Variants in ENTREP1 observed in about 807,000 individuals in gnomAD.
The protein encoded by ENTREP1 is Friedreich ataxia region gene X123.
chr9:69,328,958 G>C, the ENTREP1 span, among the ~76,000 whole-genome samples: 1 of 151,046 alleles, frequency 6.6e-6, no homozygotes, highest in Non-Finnish European at 1.5e-5. Context: ...TCATATACAA[G>C]GGATCATATA....
the ENTREP1 span, among the ~76,000 whole-genome samples, chr9:69,326,948 A>G: frequency 6.7e-6 from 1 of 149,574 alleles, no homozygotes; most frequent in Non-Finnish European, 1.5e-5. Flanking sequence ...TAATCAGTGT[A>G]TGTCCTGAAT....
chr9:69,333,580 C>T, the ENTREP1 span, among the ~76,000 whole-genome samples: 1 of 152,180 alleles, frequency 6.6e-6, no homozygotes, highest in East Asian at 1.9e-4. Context: ...GCTGGGATTA[C>T]AGGTGTGAGC....
chr9:69,344,459 T>C, the ENTREP1 span, among the ~76,000 whole-genome samples: 2 of 152,204 alleles, frequency 1.3e-5, no homozygotes. Context: ...TGCTGTATTG[T>C]GTGAAGAGGA....
the ENTREP1 span, chr9:69,383,658 C>A: frequency 6.2e-7 from 1 of 1,614,088 alleles, no homozygotes; most frequent in Admixed American, 1.7e-5. Flanking sequence ...TATTCCCCTG[C>A]CACACATCTA....
the ENTREP1 span, among the ~76,000 whole-genome samples, chr9:69,389,142 T>A: frequency 6.6e-6 from 1 of 152,168 alleles, no homozygotes; most frequent in African/African-American, 2.4e-5. Context: ...CCACCTCTTT[T>A]AAGAGCCATT....
chr9:69,371,836 A>G, the ENTREP1 span, among the ~76,000 whole-genome samples: 1 of 152,230 alleles, frequency 6.6e-6, no homozygotes, highest in African/African-American at 2.4e-5. Context: ...CTGGAACCAT[A>G]GTGATATAAT....
the ENTREP1 span, among the ~76,000 whole-genome samples, chr9:69,350,244 A>G: frequency 6.6e-6 from 1 of 151,844 alleles, no homozygotes; most frequent in Admixed American, 6.6e-5. Flanking sequence ...TTTTGAGTTA[A>G]TTTTTGCATA....
the ENTREP1 span, chr9:69,371,341 A>G: frequency 1.4e-6 from 1 of 723,410 alleles, no homozygotes; most frequent in Admixed American, 2.0e-5. Context: ...TAAGAAGTCT[A>G]AAATGTGAAA....
chr9:69,388,061 C>A, the ENTREP1 span: 1 of 1,605,868 alleles, frequency 6.2e-7, no homozygotes, highest in Non-Finnish European at 8.5e-7. Flanking sequence ...TTGTCAGATG[C>A]TTTCCATGTT....
chr9:69,342,354 C>T, the ENTREP1 span, among the ~76,000 whole-genome samples: 7 of 152,206 alleles, frequency 4.6e-5, no homozygotes, highest in Non-Finnish European at 8.8e-5. Context: ...TAGTTCATTG[C>T]TTCTTCCATT....
the ENTREP1 span, among the ~76,000 whole-genome samples, chr9:69,327,673 C>A: frequency 1.3e-5 from 2 of 151,698 alleles, no homozygotes; most frequent in African/African-American, 2.4e-5. Flanking sequence ...AAGGTTAATA[C>A]TCCTGGTCTG....
At chr9:69,385,606 C>A in the ENTREP1 span, among the ~76,000 whole-genome samples, 1 of 152,086 alleles carries the variant, frequency 6.6e-6, no homozygotes, top group Non-Finnish European at 1.5e-5. Context: ...TTTGGAAAGG[C>A]AAGTTTTCCT....
At chr9:69,390,277 A>G in the ENTREP1 span, among the ~76,000 whole-genome samples, 66 of 152,366 alleles carry the variant, frequency 4.3e-4, no homozygotes, top group African/African-American at 1.5e-3. Flanking sequence ...AATGGTACAA[A>G]TGAAACAAAA....
the ENTREP1 span, among the ~76,000 whole-genome samples, chr9:69,339,978 G>A: frequency 6.6e-6 from 1 of 152,070 alleles, no homozygotes; most frequent in Non-Finnish European, 1.5e-5. Context: ...TCAGTTCCCC[G>A]AGAACAAGAG....
At chr9:69,360,692 C>T in the ENTREP1 span, among the ~76,000 whole-genome samples, 1 of 152,106 alleles carries the variant, frequency 6.6e-6, no homozygotes, top group Non-Finnish European at 1.5e-5. Context: ...TCCCAGTAGG[C>T]TCTGCATGTT....
At chr9:69,325,912 C>T in the ENTREP1 span, among the ~76,000 whole-genome samples, 5 of 152,104 alleles carry the variant, frequency 3.3e-5, no homozygotes, top group African/African-American at 1.2e-4. Flanking sequence ...TGGGTTGCAC[C>T]TGGGTAGTGT....
At chr9:69,378,241 A>T in the ENTREP1 span, among the ~76,000 whole-genome samples, 14 of 152,306 alleles carry the variant, frequency 9.2e-5, no homozygotes, top group Admixed American at 8.5e-4. Flanking sequence ...TTGTAATACC[A>T]TCAGCAGGTC....
chr9:69,385,962 C>T, the ENTREP1 span: 1 of 1,591,412 alleles, frequency 6.3e-7, no homozygotes, highest in Middle Eastern at 1.8e-4. Flanking sequence ...TGTCATTCCC[C>T]AAGCTCTTCG....
At chr9:69,384,984 C>T in the ENTREP1 span, among the ~76,000 whole-genome samples, 4 of 152,014 alleles carry the variant, frequency 2.6e-5, no homozygotes, top group East Asian at 1.9e-4. Flanking sequence ...TGCAATGGGA[C>T]GATCTCAGTT....
Sources: allele counts gnomAD v4.1 joint callset (sites outside exome capture counted in the v4.1 genomes callset), GRCh38; gene constraint gnomAD v4.1.1; transcripts MANE v1.5; gene names NCBI Gene and HGNC (gene_info 2026-07-23, HGNC 2026-07-21).